Variants in BMPR1B observed in about 807,000 individuals in gnomAD.
BMPR1B encodes the protein bone morphogenetic protein receptor type-1B.
A neutral mutation model predicts 59.1 loss-of-function variants in BMPR1B; 12 were observed. The observed-to-expected ratio is 0.20, with a 90% confidence interval of 0.13 to 0.33. The LOEUF is 0.33. Ranked by LOEUF, BMPR1B falls within the 10% of genes least tolerant of loss-of-function variation. The pLI, the probability that BMPR1B is intolerant of heterozygous loss-of-function variation, is 1.00. For missense variants in BMPR1B, 550 were observed against 610.9 expected (o/e 0.90, Z 1.05); for synonymous variants, 237 against 207.3 (o/e 1.14, Z -1.23).
At chr4:94,804,197 ATATAT>A (rs1334360300) in intron 1 of BMPR1B, among the ~76,000 whole-genome samples, 1 of 152,176 alleles carries the variant, frequency 6.6e-6, no homozygotes, top group African/African-American at 2.4e-5. Flanking sequence ...ACATTTTATA[ATATAT>A]TACAAGTAAT....
intron 3 of BMPR1B, among the ~76,000 whole-genome samples, chr4:95,027,178 CTTTG>C (rs1465021401): frequency 6.6e-6 from 1 of 152,100 alleles, no homozygotes; most frequent in Non-Finnish European, 1.5e-5. Flanking sequence ...AACCAGCTAG[CTTTG>C]TTTGTAAACC....
At chr4:94,861,951 A>G (rs1283609174) in intron 1 of BMPR1B, among the ~76,000 whole-genome samples, 1 of 152,096 alleles carries the variant, frequency 6.6e-6, no homozygotes, top group Non-Finnish European at 1.5e-5. Flanking sequence ...GTGGTGAATA[A>G]TTTGTATTTA....
Position 94,911,043 on chromosome 4 carries a change from A to AT in BMPR1B, c.-113+35150dup, listed in dbSNP as rs550588858. On this transcript the variant is annotated intron_variant, in intron 2 of 12. Transcript: ENST00000515059. The stretch of plus-strand genomic sequence containing the variant: ...TACTATGCTTTCACTTCTTTGACCT[A>AT]TTTTTTTGGATATTTGATACATACT... 5.9e-5 allele frequency among the ~76,000 whole-genome samples: 9 copies of AT among 152,218 alleles called. No homozygotes were observed. The East Asian group carries it at 1.6e-3, about 26-fold the overall frequency.
chr4:94,869,058 A>G (rs1486734766), intron 1 of BMPR1B, among the ~76,000 whole-genome samples: 2 of 151,556 alleles, frequency 1.3e-5, no homozygotes, highest in Non-Finnish European at 2.9e-5. Flanking sequence ...TTTTAAAATT[A>G]AACTCCATGA....
intron 3 of BMPR1B, among the ~76,000 whole-genome samples, chr4:95,080,275 C>T (rs756776625): frequency 2.6e-5 from 4 of 152,110 alleles, no homozygotes; most frequent in South Asian, 2.1e-4. Context: ...CTTGCTCTGT[C>T]GCCCAGGATG....
rs544098230 is a variant in BMPR1B, at chr4:95,121,622, T to G, written c.350-2188T>G. 3.5e-4 allele frequency among the ~76,000 whole-genome samples: 54 copies of G among 152,296 alleles called. No homozygotes were observed. In the South Asian group the frequency reaches 8.9e-3, roughly 25 times the overall value. On this transcript the variant is annotated intron_variant, in intron 6 of 12. Transcript: ENST00000515059. ...CATAAATATTGAGAGAGAGAGGCATTGAGAAGGCAAGATAATTATTTTTAA... is the reference window on the plus strand; with the variant it reads ...CATAAATATTGAGAGAGAGAGGCATGGAGAAGGCAAGATAATTATTTTTAA...
At chr4:95,150,917 A>G (rs967568029) in intron 11 of BMPR1B, among the ~76,000 whole-genome samples, 31 of 152,216 alleles carry the variant, frequency 2.0e-4, no homozygotes, top group African/African-American at 7.2e-4. Context: ...AGAATTTAAT[A>G]AGATAATTTA....
chr4:94,942,516 T>C (rs1178421296), intron 2 of BMPR1B, among the ~76,000 whole-genome samples: 6 of 152,208 alleles, frequency 3.9e-5, no homozygotes, highest in African/African-American at 1.4e-4. Context: ...ATCAGCCAAA[T>C]AAACAAGTCT....
intron 2 of BMPR1B, among the ~76,000 whole-genome samples, chr4:94,928,462 CTA>C (rs1172797285): frequency 3.9e-5 from 6 of 151,960 alleles, no homozygotes; most frequent in Non-Finnish European, 8.8e-5. Flanking sequence ...TCTTGATAAA[CTA>C]AAAATATTTT....
chr4:94,951,707 G>A (rs1369978075), intron 2 of BMPR1B, among the ~76,000 whole-genome samples: 1 of 152,128 alleles, frequency 6.6e-6, no homozygotes, highest in African/African-American at 2.4e-5. Context: ...AGCGATATTG[G>A]CCTGAAATTT....
At chr4:95,038,750 T>G (rs1725442372) in intron 3 of BMPR1B, among the ~76,000 whole-genome samples, 1 of 152,216 alleles carries the variant, frequency 6.6e-6, no homozygotes, top group Non-Finnish European at 1.5e-5. Flanking sequence ...ACATCCTTTG[T>G]TAGAGGTGCT....
At chr4:94,811,340 G>A (rs1217691546) in intron 1 of BMPR1B, among the ~76,000 whole-genome samples, 1 of 152,102 alleles carries the variant, frequency 6.6e-6, no homozygotes, top group East Asian at 1.9e-4. Context: ...AAAGAGCAGG[G>A]AATTTGCACT....
intron 3 of BMPR1B, among the ~76,000 whole-genome samples, chr4:95,032,088 A>G (rs80274732): frequency 1.3e-5 from 2 of 152,270 alleles, no homozygotes; most frequent in South Asian, 2.1e-4. Context: ...ATCACAAGAT[A>G]CCACAGACTG....
intron 10 of BMPR1B, among the ~76,000 whole-genome samples, chr4:95,145,435 T>C (rs113085074): frequency 0.017 from 2,611 of 152,344 alleles, 77 homozygotes; most frequent in African/African-American, 0.058. Context: ...CCTGCCCTTT[T>C]CTGCCTCCTT....
intron 2 of BMPR1B, among the ~76,000 whole-genome samples, chr4:94,877,259 A>G (rs1726767230): frequency 6.6e-6 from 1 of 152,200 alleles, no homozygotes; most frequent in South Asian, 2.1e-4. Flanking sequence ...TCCAAAGGTT[A>G]GCATCTGAAG....
In BMPR1B at chr4:94,986,281, C is replaced by T. The variant is rs560331500; in HGVS notation, c.-112-9759C>T. 3.7e-4 allele frequency among the ~76,000 whole-genome samples: 56 copies of T among 152,216 alleles called. No homozygotes were observed. In the South Asian group the frequency reaches 0.011, roughly 30 times the overall value. ...TTACTATATTTCCTCAGCTCAATTG[C>T]ACCTCTGTTCTTGCTCAGTCTAGGA... On this transcript the variant is annotated intron_variant, in intron 2 of 12. Coordinates refer to ENST00000515059, the MANE Select transcript of BMPR1B (RefSeq NM_001203.3).
chr4:94,987,439 G>A (rs913862213), intron 2 of BMPR1B, among the ~76,000 whole-genome samples: 17 of 151,560 alleles, frequency 1.1e-4, no homozygotes, highest in African/African-American at 2.9e-4. Context: ...ATCTTTCAGT[G>A]ATATTTTCTG....
At chr4:94,987,726 C>T (rs117457264) in intron 2 of BMPR1B, among the ~76,000 whole-genome samples, 1 of 151,856 alleles carries the variant, frequency 6.6e-6, no homozygotes, top group Non-Finnish European at 1.5e-5. Flanking sequence ...CTTAAGATTC[C>T]GGTTGCACTG....
At chr4:95,124,898 T>C (rs1732790613) in intron 7 of BMPR1B, 85 bp from the exon 8 acceptor site, 2 of 1,298,426 alleles carry the variant, frequency 1.5e-6, no homozygotes, top group African/African-American at 2.9e-5. Flanking sequence ...AAAATAAAAC[T>C]GCTGTGATTA....
Sources: allele counts gnomAD v4.1 joint callset (sites outside exome capture counted in the v4.1 genomes callset), GRCh38; gene constraint gnomAD v4.1.1; transcripts MANE v1.5; gene names NCBI Gene and HGNC (gene_info 2026-07-23, HGNC 2026-07-21).